KLHL15: variants seen among roughly 807,000 people sequenced by gnomAD.
KLHL15 encodes kelch like family member 15, also known as kelch-like protein 15.
KLHL15 carries 1 observed loss-of-function variant against 29.3 expected under a neutral mutation model. The observed-to-expected ratio is 0.03, with a 90% CI of 0.01 to 0.16. The LOEUF is 0.16. Ranked by LOEUF, KLHL15 falls within the 10% of genes least tolerant of loss-of-function variation. The pLI is 1.00. For missense variants in KLHL15, 215 were observed against 478.5 expected, an observed-to-expected ratio of 0.45 and a Z score of 5.14; for synonymous variants, 212 against 184.5, an observed-to-expected ratio of 1.15 and a Z score of -1.21.
intron 2 of KLHL15, among the ~76,000 whole-genome samples, chrX:24,021,211 A>C (rs1428107164): frequency 9.0e-6 from 1 of 111,520 alleles, no homozygotes; most frequent in Non-Finnish European, 1.9e-5. Context: ...AATGGCAATA[A>C]TAATAATCTT....
At chrX:23,992,032 G>A (rs1198084584) in intron 3 of KLHL15, among the ~76,000 whole-genome samples, 1 of 111,760 alleles carries the variant, frequency 8.9e-6, no homozygotes, top group Admixed American at 9.5e-5. Context: ...AAATATTTAA[G>A]TGCCTACTGT....
intron 1 of KLHL15, among the ~76,000 whole-genome samples, chrX:24,025,389 GGGCCGCTCCGGGCCGCGCGCCCC>G (rs1394200781): frequency 1.9e-5 from 2 of 106,234 alleles, no homozygotes; most frequent in African/African-American, 6.7e-5. Flanking sequence ...CACGAGCCGG[GGGCCGCTCCGGGCCGCGCGCCCC>G]CTGCGGGCCG....
intron 2 of KLHL15, among the ~76,000 whole-genome samples, chrX:24,009,495 T>C (rs1929528363): frequency 9.4e-6 from 1 of 106,362 alleles, no homozygotes; most frequent in South Asian, 4.2e-4. Flanking sequence ...TGAAACTCCG[T>C]CTCAAAATAA....
rs949809395 is a variant in KLHL15, at chrX:23,986,062, A to G, written c.*1859T>C. ...TGAAAATATAAGTCTCATATATAAA[A>G]TAAGATTATTATTGATTTTTGAAAT... On this transcript the variant is annotated 3_prime_UTR_variant, in exon 4 of 4. Coordinates refer to ENST00000328046, the MANE Select transcript of KLHL15 (RefSeq NM_030624.3). 2 of 110,895 alleles carry G rather than the reference A, an allele frequency of 1.8e-5. No individual in the cohort carries two copies. Among genetic ancestry groups the G allele is most frequent in the Non-Finnish European group, 3.8e-5 (2 of 52,724 alleles). 9.1% of individuals were successfully genotyped at this position (110,895 alleles called of 1,213,427 possible). A position where few individuals can be genotyped will look rare whatever the true frequency, so the allele number is the denominator to read the frequency against.
intron 3 of KLHL15, 48 bp downstream of exon 3, chrX:24,005,941 G>T: frequency 1.0e-6 from 1 of 967,115 alleles, no homozygotes; most frequent in Non-Finnish European, 1.4e-6. Flanking sequence ...GACATACACT[G>T]CCTTAACTAA....
At chrX:24,026,210 A>G (rs1303275002) in intron 1 of KLHL15, among the ~76,000 whole-genome samples, 1 of 111,852 alleles carries the variant, frequency 8.9e-6, no homozygotes, top group Non-Finnish European at 1.9e-5. Flanking sequence ...TCGATTTCCC[A>G]AGGGTGGGAA....
intron 2 of KLHL15, 65 bp from the exon 3 acceptor site, chrX:24,006,765 A>AAGC (rs1683919221): frequency 1.1e-6 from 1 of 894,522 alleles, no homozygotes; most frequent in African/African-American, 2.0e-5. Context: ...ATATTAACTT[A>AAGC]GAGTTTTAAC....
chrX:24,012,517 C>A (rs1343091783), intron 2 of KLHL15, among the ~76,000 whole-genome samples: 1 of 111,675 alleles, frequency 9.0e-6, no homozygotes, highest in Non-Finnish European at 1.9e-5. Context: ...TCTGTTCTTG[C>A]CTCTTTTCTC....
intron 3 of KLHL15, among the ~76,000 whole-genome samples, chrX:23,998,227 C>T (rs1929233949): frequency 9.0e-6 from 1 of 111,024 alleles, no homozygotes; most frequent in African/African-American, 3.3e-5. Flanking sequence ...TCCCAAAGTG[C>T]TGCGATTACA....
intron 2 of KLHL15, among the ~76,000 whole-genome samples, chrX:24,007,508 A>AAAAAT (rs1307669839): frequency 3.9e-4 from 14 of 35,916 alleles, no homozygotes; most frequent in African/African-American, 2.1e-3. Flanking sequence ...AAAAAAAAAA[A>AAAAAT]ATATATATAT....
chrX:24,007,491 CAAA>C (rs1173565203), intron 2 of KLHL15, among the ~76,000 whole-genome samples: 10 of 62,309 alleles, frequency 1.6e-4, no homozygotes, highest in African/African-American at 6.7e-4. Context: ...ACCCCATTTC[CAAA>C]AAAAAAAAAA....
In KLHL15 at chrX:23,997,754, A is replaced by AAAAT. The variant is rs1555975594; in HGVS notation, c.705+8234_705+8235insATTT. On this transcript the variant is annotated intron_variant, in intron 3 of 3. Coordinates refer to ENST00000328046, the MANE Select transcript of KLHL15 (RefSeq NM_030624.3). Reference sequence around the variant, plus strand: ...TCAAAAAAAAAAAAAAAAAAAAAAAATTTTTTTTTTTTAAATTTTAGAAAA... The same window carrying AAAAT: ...TCAAAAAAAAAAAAAAAAAAAAAAAAAAATTTTTTTTTTTTTAAATTTTAGAAAA... Among the ~76,000 whole-genome samples the AAAAT allele has an allele frequency of 3.7e-3, 245 of 67,093 alleles. 10 individuals carry two copies. The highest frequency in any genetic ancestry group is 0.012 in the African/African-American group (136 of 11,085). 58.3% of individuals were successfully genotyped at this position (67,093 alleles called of 115,157 possible).
chrX:24,018,281 G>T (rs971206640), intron 2 of KLHL15, among the ~76,000 whole-genome samples: 2 of 111,745 alleles, frequency 1.8e-5, no homozygotes, highest in Non-Finnish European at 3.8e-5. Context: ...CCTTAAATAA[G>T]AACTCTTTAA....
chrX:23,999,798 G>A (rs942641148), intron 3 of KLHL15, among the ~76,000 whole-genome samples: 4 of 111,726 alleles, frequency 3.6e-5, no homozygotes, highest in African/African-American at 1.3e-4. Context: ...TAGAAAATAA[G>A]AACACTCTAC....
intron 2 of KLHL15, among the ~76,000 whole-genome samples, chrX:24,009,899 A>G (rs1173889463): frequency 1.0e-5 from 1 of 99,642 alleles, no homozygotes; most frequent in African/African-American, 3.7e-5. Context: ...CTGAGGCAGG[A>G]GAATCGCTGG....
At chrX:23,997,258 C>T (rs888448863) in intron 3 of KLHL15, among the ~76,000 whole-genome samples, 2 of 111,872 alleles carry the variant, frequency 1.8e-5, no homozygotes, top group African/African-American at 6.5e-5. Flanking sequence ...AATTTCAGTG[C>T]AATAGTAATA....
chrX:24,002,023 CT>C (rs1929334735), intron 3 of KLHL15, among the ~76,000 whole-genome samples: 2 of 108,127 alleles, frequency 1.8e-5, no homozygotes, highest in African/African-American at 6.7e-5. Context: ...GTCCCAGCTA[CT>C]CGGGAGGCTG....
intron 2 of KLHL15, among the ~76,000 whole-genome samples, chrX:24,017,772 C>T (rs1929718336): frequency 1.4e-5 from 1 of 72,146 alleles, no homozygotes; most frequent in Admixed American, 1.9e-4. Context: ...AGAGTGAGAC[C>T]ATGTCCCAAA....
At chrX:24,019,287 G>A (rs753356525) in intron 2 of KLHL15, among the ~76,000 whole-genome samples, 1 of 111,585 alleles carries the variant, frequency 9.0e-6, no homozygotes, top group Non-Finnish European at 1.9e-5. Context: ...TATTTTTTGA[G>A]ACAGTCTCAC....
Sources: gnomAD v4.1 joint callset for allele counts (sites outside exome capture counted in the v4.1 genomes callset) on GRCh38, gnomAD v4.1.1 for gene constraint, MANE v1.5 for transcripts, NCBI Gene and HGNC (gene_info 2026-07-23, HGNC 2026-07-21) for gene names.